Variants in HMCN1 observed in about 807,000 individuals in gnomAD.
HMCN1 encodes the protein hemicentin-1.
Under a neutral mutation model 625.9 loss-of-function variants are expected in HMCN1, and 321 were observed. The ratio of observed to expected loss-of-function variants is 0.51; its 90% CI spans 0.47 to 0.56. The LOEUF is 0.56. Ranked by LOEUF, HMCN1 falls within the 20% of genes least tolerant of loss-of-function variation. The probability of loss-of-function intolerance (pLI) is 0.00; values close to 1 mark genes in which losing one functional copy is unlikely to be tolerated. For missense variants in HMCN1, 6,588 were observed against 6,887.3 expected, an observed-to-expected ratio of 0.96 and a Z score of 1.54; for synonymous variants, 2,425 against 2,417.6, an observed-to-expected ratio of 1.00 and a Z score of -0.09.
intron 11 of HMCN1, among the ~76,000 whole-genome samples, chr1:185,938,448 A>G (rs1000122807): frequency 1.3e-5 from 2 of 152,026 alleles, no homozygotes; most frequent in Non-Finnish European, 2.9e-5. Context: ...TATTTGTTAT[A>G]GTTTTGCTTT....
chr1:185,777,986 A>G (rs1167352139), intron 1 of HMCN1, among the ~76,000 whole-genome samples: 2 of 152,204 alleles, frequency 1.3e-5, no homozygotes, highest in Non-Finnish European at 2.9e-5. Flanking sequence ...ATGGCAGTGG[A>G]TGGACTAATC....
At position 186,053,050 on chromosome 1, in the gene HMCN1, C is replaced by A. The variant is rs201966093; in HGVS notation, c.6676C>A (p.Pro2226Thr). 8.2e-5 allele frequency: 132 copies of A among 1,609,890 alleles called. No individual in the cohort carries two copies. The highest frequency in any genetic ancestry group is 1.1e-4 in the Non-Finnish European group (127 of 1,177,164). The change falls in exon 43 of 107, where the codon CCA becomes ACA. Residue 2226 changes from proline (P) to threonine (T), a missense_variant. Pro to Thr is a conservative substitution (Grantham distance 38, BLOSUM62 -1). Around this residue, in one of 3 missense-constraint regions of HMCN1, gnomAD observed 4,628 missense variants for 4,853.1 expected, o/e 0.95. Transcript: ENST00000271588. ...LLCESSGIPP[P>T]NLIWKKKGSP... ...GTGTGAATCAAGTGGTATTCCACCC[C>A]CAAATCTCATCTGGAAGAAGAAAGG...
Position 186,190,021 on chromosome 1 carries a change from G to A in HMCN1, c.*143G>A. 1 of 899,050 alleles carries A rather than the reference G, an allele frequency of 1.1e-6. No individual in the cohort carries two copies. Among genetic ancestry groups the A allele is most frequent in the Non-Finnish European group, 1.8e-6 (1 of 552,878 alleles). 55.7% of individuals were successfully genotyped at this position (899,050 alleles called of 1,614,324 possible). On this transcript the variant is annotated 3_prime_UTR_variant, in exon 107 of 107. Transcript: ENST00000271588. ...CACTCTGTTTTGTGTGCCTTCCTTG[G>A]TACTTCTGAGGTATTTTCATGATCC...
intron 11 of HMCN1, among the ~76,000 whole-genome samples, chr1:185,961,059 G>GA (rs1052858335): frequency 6.6e-6 from 1 of 152,002 alleles, no homozygotes. Flanking sequence ...TCATGGACCG[G>GA]AAAAAATCCT....
At chr1:185,889,768 T>G (rs999958017) in intron 4 of HMCN1, among the ~76,000 whole-genome samples, 37 of 141,116 alleles carry the variant, frequency 2.6e-4, no homozygotes, top group Middle Eastern at 6.8e-3. Context: ...GGTCTAAAAT[T>G]CTCTTTTTTG....
intron 71 of HMCN1, among the ~76,000 whole-genome samples, chr1:186,110,139 G>A (rs975121635): frequency 2.6e-5 from 4 of 151,938 alleles, no homozygotes; most frequent in Admixed American, 6.6e-5. Flanking sequence ...TAAAATATTG[G>A]CCCGTATTTC....
chr1:185,745,636 T>A (rs1422867411), intron 1 of HMCN1, among the ~76,000 whole-genome samples: 1 of 152,194 alleles, frequency 6.6e-6, no homozygotes, highest in Non-Finnish European at 1.5e-5. Context: ...CAGTGTCAAG[T>A]TCAAGTTTCT....
At chr1:185,748,353 C>A (rs1256461058) in intron 1 of HMCN1, among the ~76,000 whole-genome samples, 2 of 152,088 alleles carry the variant, frequency 1.3e-5, no homozygotes, top group African/African-American at 4.8e-5. Context: ...TCTCCCCAGC[C>A]ACACCCTATG....
chr1:185,865,593 AC>A, intron 3 of HMCN1, 147 bp from the exon 4 acceptor site: 2 of 390,492 alleles, frequency 5.1e-6, no homozygotes, highest in Non-Finnish European at 4.6e-6. Flanking sequence ...ACACACACAC[AC>A]ACACACACAC....
Position 185,965,812 on chromosome 1 carries a change from G to A in HMCN1, c.2109G>A (p.Lys703=). 6.2e-7 allele frequency: 1 copy of A among 1,606,180 alleles called. No individual in the cohort carries two copies. The highest frequency in any genetic ancestry group is 1.7e-5 in the Admixed American group (1 of 59,966). The change falls in exon 14 of 107, where the codon AAG becomes AAA. Residue 703 remains lysine, a synonymous_variant. Transcript: ENST00000271588. ...TTTTGTTTTTTTCAGAAGCCCCTAA[G>A]TTGATGGTAGTTCAGAGTGAGCTCT... ...NSTLRYIEAP[K]LMVVQSELLV... is the part of the protein sequence containing the mutation.
chr1:185,743,408 A>G (rs952604691), intron 1 of HMCN1, among the ~76,000 whole-genome samples: 2 of 152,254 alleles, frequency 1.3e-5, no homozygotes, highest in Admixed American at 6.5e-5. Context: ...TATGACCCAG[A>G]TAATGCCTGA....
Position 186,078,310 on chromosome 1 carries a change from T to C in HMCN1, c.8599+90T>C, listed in dbSNP as rs1658953278. 2.6e-5 allele frequency: 23 copies of C among 884,892 alleles called. No homozygotes were observed. The South Asian group carries it at 3.1e-4, about 12-fold the overall frequency. The allele number at this position is 884,892 out of a possible 1,614,324, so 54.8% of individuals were successfully genotyped here. On this transcript the variant is annotated intron_variant, in intron 55 of 106. Transcript: ENST00000271588. ...TGCAGGATGTTACACTAAGCGCTTT[T>C]GAGACTATAAAGATAACCAGAAACT...
rs190185104 is a variant in HMCN1 at position 186,178,185 on chromosome 1, G to C, written c.15944-231G>C. 1.8e-3 allele frequency among the ~76,000 whole-genome samples: 276 copies of C among 152,198 alleles called. 1 individual carries two copies. The highest frequency in any genetic ancestry group is 5.0e-3 in the East Asian group (26 of 5,170). ...TGTGAATGTTCAAATAAAATGTGTG[G>C]ATATAATATAGTATTTAGGGGGAGA... On this transcript the variant is annotated intron_variant, in intron 103 of 106. Transcript: ENST00000271588.
Position 186,041,029 on chromosome 1 carries a change from G to T in HMCN1, c.6197G>T (p.Arg2066Leu). The T allele has an allele frequency of 6.2e-7, 1 of 1,612,684 alleles. No individual in the cohort carries two copies. The highest frequency in any genetic ancestry group is 1.1e-5 in the South Asian group (1 of 91,028). ...CATTGATAGGTTCTCTCTGGTGGTC[G>T]AATCCTAGCATTGACCAGTGCACAA... Reference protein sequence around the residue: ...SNGLQVLSGGRILALTSAQIS... With the variant: ...SNGLQVLSGGLILALTSAQIS... The change falls in exon 40 of 107, where the codon CGA becomes CTA. Residue 2066 changes from arginine (R) to leucine (L), a missense_variant. Transcript: ENST00000271588.
chr1:186,128,359 C>A, intron 83 of HMCN1, 68 bp downstream of exon 83: 1 of 1,271,450 alleles, frequency 7.9e-7, no homozygotes, highest in Non-Finnish European at 1.1e-6. Flanking sequence ...AGCTCTGTTT[C>A]CTCCAGCTGT....
chr1:185,879,195 G>A (rs1242243762), intron 4 of HMCN1, among the ~76,000 whole-genome samples: 1 of 152,114 alleles, frequency 6.6e-6, no homozygotes, highest in Non-Finnish European at 1.5e-5. Context: ...GCTTGAGACA[G>A]GGTCTTACTC....
intron 105 of HMCN1, among the ~76,000 whole-genome samples, chr1:186,183,074 A>G (rs1653039280): frequency 6.6e-6 from 1 of 152,228 alleles, no homozygotes; most frequent in Non-Finnish European, 1.5e-5. Flanking sequence ...AAACCCTTGA[A>G]TTTTGTAGAC....
intron 40 of HMCN1, among the ~76,000 whole-genome samples, chr1:186,042,900 G>T (rs1447334323): frequency 6.6e-6 from 1 of 152,086 alleles, no homozygotes; most frequent in Non-Finnish European, 1.5e-5. Context: ...ACGCTGTTGG[G>T]GGGTGGAATA....
At chr1:186,117,328 G>A (rs1661180853) in intron 76 of HMCN1, 131 bp from the exon 77 acceptor site, 1 of 1,205,772 alleles carries the variant, frequency 8.3e-7, no homozygotes. Context: ...AGAAATAAAA[G>A]GAGGAATCCC....
Sources: gnomAD v4.1 joint callset for allele counts (sites outside exome capture counted in the v4.1 genomes callset) on GRCh38, gnomAD v4.1.1 for gene constraint, gnomAD v4.1.1 regional missense constraint, MANE v1.5 for transcripts, NCBI Gene and HGNC (gene_info 2026-07-23, HGNC 2026-07-21) for gene names.